The following ELMO1 variants were observed in gnomAD, a reference collection of about 807,000 sequenced individuals.
The protein encoded by ELMO1 is engulfment and cell motility 1, also known as engulfment and cell motility protein 1.
ELMO1 carries 26 observed loss-of-function variants against 98.9 expected under a neutral mutation model. The ratio of observed to expected loss-of-function variants is 0.26; its 90% CI spans 0.19 to 0.36. The LOEUF is 0.36. Among genes scored for constraint, ELMO1 ranks in the 10% least tolerant of loss-of-function variants. The probability of loss-of-function intolerance (pLI) is 1.00; values close to 1 mark genes in which losing one functional copy is unlikely to be tolerated. For synonymous variants in ELMO1, 346 were observed against 346.0 expected (o/e 1.00, Z 0.00); for missense variants, 627 against 935.2 (o/e 0.67, Z 4.30).
intron 16 of ELMO1, among the ~76,000 whole-genome samples, chr7:36,975,177 AT>A (rs1790415863): frequency 6.6e-6 from 1 of 152,162 alleles, no homozygotes; most frequent in South Asian, 2.1e-4. Context: ...AACAGATGAA[AT>A]TTTTCATCAG....
intron 16 of ELMO1, among the ~76,000 whole-genome samples, chr7:36,943,884 G>A (rs1399795243): frequency 6.6e-6 from 1 of 152,150 alleles, no homozygotes; most frequent in African/African-American, 2.4e-5. Flanking sequence ...CTCTGAGGGT[G>A]GATATACACT....
At chr7:37,222,083 C>A (rs571125077) in intron 10 of ELMO1, among the ~76,000 whole-genome samples, 1 of 152,312 alleles carries the variant, frequency 6.6e-6, no homozygotes, top group East Asian at 1.9e-4. Flanking sequence ...AAGCAAGGAG[C>A]CCCTCTGACA....
chr7:36,996,802 A>C (rs1792248802), intron 16 of ELMO1, among the ~76,000 whole-genome samples: 1 of 152,144 alleles, frequency 6.6e-6, no homozygotes, highest in Non-Finnish European at 1.5e-5. Flanking sequence ...CTCCTTGCTG[A>C]GGGAACACAA....
intron 15 of ELMO1, among the ~76,000 whole-genome samples, chr7:37,085,427 T>C (rs966301600): frequency 1.9e-4 from 29 of 152,248 alleles, no homozygotes; most frequent in African/African-American, 7.0e-4. Flanking sequence ...TCAGTGCAGT[T>C]TGACATCCTG....
chr7:37,235,137 T>C (rs919104262), intron 7 of ELMO1, among the ~76,000 whole-genome samples: 3 of 152,142 alleles, frequency 2.0e-5, no homozygotes, highest in Admixed American at 6.5e-5. Context: ...GGTGGAATAA[T>C]GGGTTGAAGA....
intron 16 of ELMO1, among the ~76,000 whole-genome samples, chr7:36,982,243 A>C (rs1791129150): frequency 1.3e-5 from 2 of 152,234 alleles, no homozygotes; most frequent in Admixed American, 6.5e-5. Flanking sequence ...TCCTGTGAAA[A>C]TCCAGTATCC....
intron 1 of ELMO1, among the ~76,000 whole-genome samples, chr7:37,393,329 CA>C (rs1803161573): frequency 6.6e-6 from 1 of 152,172 alleles, no homozygotes. Context: ...CACAAGCATT[CA>C]AATCAGAAAA....
In ELMO1 at chr7:37,367,469, GA is replaced by G. The variant is rs766799489; in HGVS notation, c.-73-24707del. ...ATGAATATCTGGCAAGTGAATAAGT[GA>G]ATGAAGGAAGAAAAGGATCAGAATG... On this transcript the variant is annotated intron_variant, in intron 1 of 21. Transcript: ENST00000310758. Among the ~76,000 whole-genome samples the G allele has an allele frequency of 6.6e-5, 10 of 152,298 alleles. 1 individual carries two copies. In the South Asian group the frequency reaches 2.1e-3, roughly 32 times the overall value.
At chr7:37,444,791 G>A (rs1052160169) in intron 1 of ELMO1, among the ~76,000 whole-genome samples, 1 of 152,224 alleles carries the variant, frequency 6.6e-6, no homozygotes, top group East Asian at 1.9e-4. Context: ...TGGGATTAGA[G>A]GCGTGAGCCA....
intron 15 of ELMO1, among the ~76,000 whole-genome samples, chr7:37,017,813 A>T (rs977437420): frequency 6.1e-5 from 5 of 81,882 alleles, no homozygotes; most frequent in African/African-American, 3.5e-4. Context: ...CTAATATATT[A>T]AAAAAAACCC....
chr7:37,212,126 A>G (rs1038029777), intron 12 of ELMO1, among the ~76,000 whole-genome samples: 10 of 152,180 alleles, frequency 6.6e-5, no homozygotes, highest in Non-Finnish European at 1.5e-4. Context: ...TAAACCAGAC[A>G]CAGAAATATG....
rs113315120 is a variant in ELMO1 at position 37,233,113 on chromosome 7, C to T, written c.531G>A (p.Ser177=). Residue 177 remains serine (S), a synonymous_variant, in exon 8 of 22, where the codon TCG becomes TCA. Coordinates refer to ENST00000310758, the MANE Select transcript of ELMO1 (RefSeq NM_014800.11). ...DHGIVSWDTF[S]VAFIKKIASF... ...ACCTTACCTTCTTAATGAACGCCAC[C>T]GAAAATGTATCCCAGGACACTATGC... 2.9e-5 allele frequency: 46 copies of T among 1,613,264 alleles called. No individual in the cohort carries two copies. The highest frequency in any genetic ancestry group is 2.0e-4 in the African/African-American group (15 of 74,886).
At chr7:37,336,033 C>T (rs1800386132) in intron 2 of ELMO1, among the ~76,000 whole-genome samples, 1 of 152,012 alleles carries the variant, frequency 6.6e-6, no homozygotes, top group Admixed American at 6.6e-5. Context: ...TTGAGACCAG[C>T]CTGGGCAACA....
At chr7:37,198,062 T>G (rs1024568313) in intron 13 of ELMO1, among the ~76,000 whole-genome samples, 8 of 152,230 alleles carry the variant, frequency 5.3e-5, no homozygotes, top group Non-Finnish European at 1.0e-4. Flanking sequence ...GCAGGCAGCA[T>G]AAGGACATCC....
chr7:37,260,532 C>T (rs1264319772), intron 5 of ELMO1, among the ~76,000 whole-genome samples: 1 of 152,120 alleles, frequency 6.6e-6, no homozygotes, highest in East Asian at 1.9e-4. Flanking sequence ...AGACTCCACC[C>T]CAGCAGGTCC....
chr7:36,876,881 G>T (rs1804029372), intron 19 of ELMO1, among the ~76,000 whole-genome samples: 1 of 152,174 alleles, frequency 6.6e-6, no homozygotes. Flanking sequence ...AATGTGGGCT[G>T]GGAAGAAAGT....
intron 14 of ELMO1, among the ~76,000 whole-genome samples, chr7:37,127,247 T>C (rs545031336): frequency 1.3e-5 from 2 of 152,396 alleles, no homozygotes; most frequent in Admixed American, 1.3e-4. Context: ...CAAGTATCTT[T>C]AGAAATGGCT....
At chr7:37,445,455 T>G (rs1485780813) in intron 1 of ELMO1, among the ~76,000 whole-genome samples, 1 of 152,188 alleles carries the variant, frequency 6.6e-6, no homozygotes, top group Non-Finnish European at 1.5e-5. Flanking sequence ...ATGATCACCT[T>G]TAACCCTTGA....
chr7:37,074,135 A>G (rs1196878133), intron 15 of ELMO1, among the ~76,000 whole-genome samples: 1 of 148,214 alleles, frequency 6.7e-6, no homozygotes, highest in Non-Finnish European at 1.5e-5. Flanking sequence ...ATATTTATAT[A>G]TCAATATAAT....
Sources: allele counts gnomAD v4.1 joint callset (sites outside exome capture counted in the v4.1 genomes callset), GRCh38; gene constraint gnomAD v4.1.1; transcripts MANE v1.5; gene names NCBI Gene and HGNC (gene_info 2026-07-23, HGNC 2026-07-21).